CDH18: variants seen among roughly 807,000 people sequenced by gnomAD.
CDH18 encodes cadherin-18.
A neutral mutation model predicts 67.9 loss-of-function variants in CDH18; 31 were observed. That is an observed-to-expected ratio of 0.46 (90% CI 0.34 to 0.62). CDH18 has a LOEUF of 0.62. Among genes scored for constraint, CDH18 ranks in the 20% least tolerant of loss-of-function variants. CDH18 has a pLI of 0.01. For missense variants in CDH18, 890 were observed against 975.5 expected (o/e 0.91, Z 1.17); for synonymous variants, 362 against 347.2 (o/e 1.04, Z -0.48).
chr5:20,390,779 C>G (rs867225377), intron 1 of CDH18, among the ~76,000 whole-genome samples: 1 of 152,128 alleles, frequency 6.6e-6, no homozygotes, highest in Non-Finnish European at 1.5e-5. Context: ...AAATGTGGCA[C>G]ATATACACCG....
intron 2 of CDH18, among the ~76,000 whole-genome samples, chr5:20,188,443 A>G (rs1475946811): frequency 1.3e-5 from 2 of 151,982 alleles, no homozygotes; most frequent in Non-Finnish European, 2.9e-5. Flanking sequence ...ATGGTTGACC[A>G]TTTTCATCAT....
intron 12 of CDH18, among the ~76,000 whole-genome samples, chr5:19,481,153 G>T (rs553416059): frequency 6.6e-6 from 1 of 152,148 alleles, no homozygotes; most frequent in East Asian, 1.9e-4. Flanking sequence ...ACTGTCCTCT[G>T]CTATCTCATC....
At chr5:19,538,263 C>A (rs1043771836) in intron 9 of CDH18, among the ~76,000 whole-genome samples, 3 of 152,120 alleles carry the variant, frequency 2.0e-5, no homozygotes, top group Non-Finnish European at 4.4e-5. Context: ...CCCAGTTGAG[C>A]CCACCTGGAC....
chr5:19,839,307 C>T, intron 2 of CDH18, 65 bp from the exon 3 acceptor site: 1 of 293,586 alleles, frequency 3.4e-6, no homozygotes, highest in Non-Finnish European at 6.5e-6. Flanking sequence ...GCTCTGAATA[C>T]AAATGATACT....
chr5:19,800,104 TAAAG>T (rs977897860), intron 3 of CDH18, among the ~76,000 whole-genome samples: 2 of 152,136 alleles, frequency 1.3e-5, no homozygotes, highest in Admixed American at 6.5e-5. Context: ...AAATGATTGA[TAAAG>T]AGAGAGAAGG....
chr5:19,642,355 AC>A (rs1212498997), intron 5 of CDH18, among the ~76,000 whole-genome samples: 1 of 151,950 alleles, frequency 6.6e-6, no homozygotes, highest in Non-Finnish European at 1.5e-5. Flanking sequence ...AACTGCCAAT[AC>A]CCTAATATCC....
chr5:19,674,111 C>A, intron 5 of CDH18, among the ~76,000 whole-genome samples: 1 of 151,940 alleles, frequency 6.6e-6, no homozygotes, highest in East Asian at 1.9e-4. Flanking sequence ...ACAATGATAA[C>A]CTCCTACATT....
intron 1 of CDH18, among the ~76,000 whole-genome samples, chr5:20,368,526 A>G (rs1742704759): frequency 6.6e-6 from 1 of 152,192 alleles, no homozygotes; most frequent in South Asian, 2.1e-4. Flanking sequence ...TGACAGAGAA[A>G]TGTTTCATAT....
At chr5:20,392,984 T>A (rs912165109) in intron 1 of CDH18, among the ~76,000 whole-genome samples, 1 of 151,872 alleles carries the variant, frequency 6.6e-6, no homozygotes, top group African/African-American at 2.4e-5. Context: ...AGGGGTATGA[T>A]ATTTAGTATT....
In CDH18 at chr5:19,936,037, TA is replaced by T. The variant is rs528496126; in HGVS notation, c.-257+45022del. 2.0e-3 allele frequency among the ~76,000 whole-genome samples: 305 copies of T among 151,358 alleles called. 1 individual carries two copies. Among genetic ancestry groups the T allele is most frequent in the African/African-American group, 7.0e-3 (290 of 41,468 alleles). ...AATCATAGTGATGAAAACTCATGTTTAAAAAATCCATATATAATTAGCGTGA... is the reference window on the plus strand; with the variant it reads ...AATCATAGTGATGAAAACTCATGTTTAAAAATCCATATATAATTAGCGTGA... On this transcript the variant is annotated intron_variant, in intron 2 of 12. Coordinates refer to ENST00000382275, the MANE Select transcript of CDH18 (RefSeq NM_004934.5).
rs114305970 is a variant in CDH18, at chr5:20,398,174, C to T, written c.-579-142669G>A. ...ACACTCCTAAATATACAATATTTCC[C>T]TCAGTTTATTAAGTGTGTGGTATTT... On this transcript the variant is annotated intron_variant, in intron 1 of 14. Coordinates refer to the CDH18 transcript ENST00000507958. 4.7e-3 allele frequency among the ~76,000 whole-genome samples: 721 copies of T among 152,074 alleles called. 2 individuals are homozygous for T. The highest frequency in any genetic ancestry group is 0.016 in the African/African-American group (643 of 41,466).
At chr5:20,514,673 CT>C (rs1363275900) in intron 1 of CDH18, among the ~76,000 whole-genome samples, 1 of 152,062 alleles carries the variant, frequency 6.6e-6, no homozygotes, top group Non-Finnish European at 1.5e-5. Context: ...TATACCTCAT[CT>C]CTAAGGCCTT....
chr5:20,352,749 C>T (rs1265730960), intron 1 of CDH18, among the ~76,000 whole-genome samples: 1 of 151,276 alleles, frequency 6.6e-6, no homozygotes, highest in Non-Finnish European at 1.5e-5. Context: ...GCCAAGATGG[C>T]GCCACTGCAC....
intron 5 of CDH18, among the ~76,000 whole-genome samples, chr5:19,642,274 A>G (rs530871235): frequency 1.6e-4 from 25 of 152,104 alleles, no homozygotes; most frequent in South Asian, 1.0e-3. Flanking sequence ...TACAGATTCA[A>G]TGTAATCCCC....
At chr5:19,730,108 A>T (rs1767395072) in intron 4 of CDH18, among the ~76,000 whole-genome samples, 1 of 152,022 alleles carries the variant, frequency 6.6e-6, no homozygotes, top group Non-Finnish European at 1.5e-5. Flanking sequence ...GCCCCCTACC[A>T]TGGTCCATTC....
intron 2 of CDH18, among the ~76,000 whole-genome samples, chr5:19,841,240 G>A (rs532958575): frequency 6.6e-6 from 1 of 152,196 alleles, no homozygotes; most frequent in South Asian, 2.1e-4. Flanking sequence ...TTTTCTGAAA[G>A]CAAAGGTATC....
intron 2 of CDH18, among the ~76,000 whole-genome samples, chr5:19,918,644 A>C (rs10473240): frequency 0.049 from 7,489 of 152,236 alleles, 646 homozygotes; most frequent in African/African-American, 0.17. Flanking sequence ...ATGGATAAAC[A>C]AATGCTATGA....
At chr5:19,650,648 T>C (rs751425456) in intron 5 of CDH18, among the ~76,000 whole-genome samples, 1 of 152,044 alleles carries the variant, frequency 6.6e-6, no homozygotes, top group Non-Finnish European at 1.5e-5. Flanking sequence ...TTTTGTGACA[T>C]GACATTGAGT....
At chr5:20,433,966 G>A (rs565216772) in intron 1 of CDH18, among the ~76,000 whole-genome samples, 2 of 152,152 alleles carry the variant, frequency 1.3e-5, no homozygotes, top group East Asian at 1.9e-4. Context: ...AGTAGTGAAA[G>A]TTCATGAAGA....
Sources: gnomAD v4.1 joint callset for allele counts (sites outside exome capture counted in the v4.1 genomes callset) on GRCh38, gnomAD v4.1.1 for gene constraint, MANE v1.5 for transcripts, NCBI Gene and HGNC (gene_info 2026-07-23, HGNC 2026-07-21) for gene names.